PXDC1: variants seen among roughly 807,000 people sequenced by gnomAD.
PXDC1 encodes PX domain-containing protein 1.
In PXDC1, 13 loss-of-function variants were observed where a neutral mutation model predicts 24.4. That is an observed-to-expected ratio of 0.53 (90% confidence interval 0.35 to 0.85). The LOEUF is 0.85. PXDC1 is among the 40% of genes least tolerant of loss of function. The pLI is 0.01. For synonymous variants in PXDC1, 162 were observed against 124.9 expected (o/e 1.30, Z -1.98); for missense variants, 344 against 309.3 (o/e 1.11, Z -0.84).
chr6:3,737,877 T>C lies in PXDC1; in HGVS notation c.348+180A>G, dbSNP rs975278565. 4.6e-5 allele frequency: 11 copies of C among 241,720 alleles called. No individual in the cohort carries two copies. Among genetic ancestry groups the C allele is most frequent in the South Asian group, 3.0e-4 (2 of 6,598 alleles). The allele number at this position is 241,720 out of a possible 1,614,324, so 15.0% of individuals were successfully genotyped here. A position where few individuals can be genotyped will look rare whatever the true frequency, so the allele number is the denominator to read the frequency against. ...GAGCCCATGAAAGCCTTCTTTCTCC[T>C]GATTACACCTGCACACCTCCACTCC... On this transcript the variant is annotated intron_variant, in intron 2 of 4. Coordinates refer to ENST00000380283, the MANE Select transcript of PXDC1 (RefSeq NM_183373.4). The surrounding 1 kb of genome is among the most constrained non-coding windows in gnomAD (Gnocchi z 5.5).
intron 3 of PXDC1, among the ~76,000 whole-genome samples, chr6:3,733,035 G>A (rs1358071290): frequency 2.0e-5 from 3 of 152,238 alleles, no homozygotes; most frequent in Non-Finnish European, 4.4e-5. Flanking sequence ...GCTCTGGAGT[G>A]GAGGTGACAA....
intron 1 of PXDC1, among the ~76,000 whole-genome samples, chr6:3,749,102 G>C (rs1352895169): frequency 6.6e-6 from 1 of 152,110 alleles, no homozygotes; most frequent in Admixed American, 6.5e-5. Context: ...AGGTGGTGCT[G>C]GGCAGGGACC....
chr6:3,726,333 G>A (rs1760065622), intron 4 of PXDC1, among the ~76,000 whole-genome samples: 1 of 152,248 alleles, frequency 6.6e-6, no homozygotes, highest in South Asian at 2.1e-4. Flanking sequence ...CATAGGTAAT[G>A]AGTGAATGAG....
intron 1 of PXDC1, among the ~76,000 whole-genome samples, chr6:3,738,496 C>T (rs1185441159): frequency 6.6e-6 from 1 of 152,222 alleles, no homozygotes. Flanking sequence ...CAGGCCCCAC[C>T]AGCGTGGTGG....
At chr6:3,745,028 A>G (rs1300783905) in intron 1 of PXDC1, among the ~76,000 whole-genome samples, 1 of 152,228 alleles carries the variant, frequency 6.6e-6, no homozygotes, top group Non-Finnish European at 1.5e-5. Flanking sequence ...CCTAGATCTT[A>G]GGATCTTTCT....
rs942739921 is a variant in PXDC1 at position 3,724,774 on chromosome 6, C to T, written c.579-1038G>A. Among the ~76,000 whole-genome samples, 32 of 152,394 alleles carry T rather than the reference C, an allele frequency of 2.1e-4. 1 individual carries two copies. The highest frequency in any genetic ancestry group is 3.4e-3 in the Middle Eastern group (1 of 294). ...CAAGATGACTGCACAGTCCAGGCCC[C>T]TGGCCGGACACACAACAAGGCAGGG... is the stretch of plus-strand genomic sequence containing the variant. On this transcript the variant is annotated intron_variant, in intron 4 of 4. Coordinates refer to ENST00000380283, the MANE Select transcript of PXDC1 (RefSeq NM_183373.4). This position sits in a 1 kb window ranked among gnomAD's most constrained non-coding sequence, Gnocchi z 4.5.
At chr6:3,732,650 T>C (rs1182463939) in intron 3 of PXDC1, among the ~76,000 whole-genome samples, 1 of 152,248 alleles carries the variant, frequency 6.6e-6, no homozygotes, top group African/African-American at 2.4e-5. Flanking sequence ...TGCCAAGGGA[T>C]GCAGTCCATC....
At position 3,725,538 on chromosome 6, in the gene PXDC1, C is replaced by T. The variant is rs928620370; in HGVS notation, c.579-1802G>A. Among the ~76,000 whole-genome samples the T allele has an allele frequency of 8.5e-5, 13 of 152,210 alleles. No homozygotes were observed. Among genetic ancestry groups the T allele is most frequent in the African/African-American group, 3.1e-4 (13 of 41,456 alleles). On this transcript the variant is annotated intron_variant, in intron 4 of 4. Coordinates refer to ENST00000380283, the MANE Select transcript of PXDC1 (RefSeq NM_183373.4). This position sits in a 1 kb window ranked among gnomAD's most constrained non-coding sequence, Gnocchi z 4.8. ...GCCCCTGGGGCCAGACTCGGGGCAG[C>T]CTGCTGAGACTCTGCTGTGGGGGCC...
chr6:3,739,285 G>A, intron 1 of PXDC1: 1 of 322,436 alleles, frequency 3.1e-6, no homozygotes, highest in Non-Finnish European at 4.7e-6. Context: ...ACTTCTGCAA[G>A]AGTGGGCTAC....
rs1420553277 is a variant in PXDC1, at chr6:3,751,294, G to A, written c.238C>T (p.Gln80Ter). ...CCCGCACCTTGCCGCAGCGGCCCCT[G>A]CGCCAGTTCGGACCGGTCCTCGGGA... is the stretch of plus-strand genomic sequence containing the variant. The part of the protein sequence containing the change: ...AFPEDRSELA[Q>*]GPLRQGLVAI... The change falls in exon 1 of 5, where the codon CAG becomes TAG. Residue 80 changes from glutamine to a stop codon, truncating the protein, a stop_gained. Coordinates refer to ENST00000380283, the MANE Select transcript of PXDC1 (RefSeq NM_183373.4). LOFTEE classifies it high-confidence loss of function. The A allele has an allele frequency of 5.2e-6, 8 of 1,530,142 alleles. No individual in the cohort carries two copies. Among genetic ancestry groups the A allele is most frequent in the South Asian group, 1.2e-5 (1 of 82,986 alleles). The allele number at this position is 1,530,142 out of a possible 1,614,324, so 94.8% of individuals were successfully genotyped here. A position where few individuals can be genotyped will look rare whatever the true frequency, so the allele number is the denominator to read the frequency against.
rs1581239631 is a variant in PXDC1, at chr6:3,725,640, C to T, written c.579-1904G>A. Among the ~76,000 whole-genome samples, 3 of 152,338 alleles carry T rather than the reference C, an allele frequency of 2.0e-5. No individual in the cohort carries two copies. The highest frequency in any genetic ancestry group is 3.9e-4 in the East Asian group (2 of 5,174). ...CCTCGGGTGCCAGGGAGGACAGCCACGCAGGGAGGTGAAGCCTCCAGTTCC... is the reference window on the plus strand; with the variant it reads ...CCTCGGGTGCCAGGGAGGACAGCCATGCAGGGAGGTGAAGCCTCCAGTTCC... On this transcript the variant is annotated intron_variant, in intron 4 of 4. Transcript: ENST00000380283. This position sits in a 1 kb window ranked among gnomAD's most constrained non-coding sequence, Gnocchi z 4.8.
chr6:3,746,226 TCA>T (rs886645335), intron 1 of PXDC1, among the ~76,000 whole-genome samples: 9 of 152,066 alleles, frequency 5.9e-5, no homozygotes. Flanking sequence ...GCCCAGGGGC[TCA>T]GTCTGAGATC....
intron 3 of PXDC1, among the ~76,000 whole-genome samples, chr6:3,735,518 A>G (rs942411463): frequency 6.6e-6 from 1 of 152,236 alleles, no homozygotes; most frequent in African/African-American, 2.4e-5. Flanking sequence ...ACAGAAAGAC[A>G]AATGTCACAA....
At chr6:3,727,460 C>A in intron 4 of PXDC1, 91 bp downstream of exon 4, 1 of 865,234 alleles carries the variant, frequency 1.2e-6, no homozygotes, top group South Asian at 1.7e-5. Flanking sequence ...TCTGGGCACC[C>A]ACTTCCTTCC....
intron 4 of PXDC1, among the ~76,000 whole-genome samples, chr6:3,727,309 A>C (rs1361343230): frequency 6.6e-6 from 1 of 152,200 alleles, no homozygotes. Flanking sequence ...CCAGGCCCCT[A>C]GCCCTGCAAC....
intron 3 of PXDC1, among the ~76,000 whole-genome samples, chr6:3,730,315 T>C (rs1162394307): frequency 2.0e-5 from 3 of 152,172 alleles, no homozygotes; most frequent in Admixed American, 2.0e-4. Flanking sequence ...GAACATTTAT[T>C]CCCAACACGG....
In PXDC1 at chr6:3,728,429, A is replaced by C. The variant is rs911620353; in HGVS notation, c.467-767T>G. On this transcript the variant is annotated intron_variant, in intron 3 of 4. Coordinates refer to ENST00000380283, the MANE Select transcript of PXDC1 (RefSeq NM_183373.4). This position sits in a 1 kb window ranked among gnomAD's most constrained non-coding sequence, Gnocchi z 4.0. Reference sequence around the variant, plus strand: ...CATTTTAAACCAAAGGGTGACTTTCACTGTTTCGCTTTATGTAATTCTGTA... The same window carrying C: ...CATTTTAAACCAAAGGGTGACTTTCCCTGTTTCGCTTTATGTAATTCTGTA... Among the ~76,000 whole-genome samples, 2 of 152,188 alleles carry C rather than the reference A, an allele frequency of 1.3e-5. No homozygotes were observed. Among genetic ancestry groups the C allele is most frequent in the African/African-American group, 4.8e-5 (2 of 41,428 alleles).
chr6:3,729,055 GC>G (rs766768284), intron 3 of PXDC1, among the ~76,000 whole-genome samples: 1 of 152,054 alleles, frequency 6.6e-6, no homozygotes, highest in Non-Finnish European at 1.5e-5. Flanking sequence ...GCTCCTAACA[GC>G]CCTCCCTCTC....
chr6:3,735,460 C>A (rs1760293408), intron 3 of PXDC1, among the ~76,000 whole-genome samples: 1 of 152,210 alleles, frequency 6.6e-6, no homozygotes, highest in African/African-American at 2.4e-5. Flanking sequence ...TCATTTGTGG[C>A]AACATGAATG....
Sources: gnomAD v4.1 joint callset for allele counts (sites outside exome capture counted in the v4.1 genomes callset) on GRCh38, gnomAD v4.1.1 for gene constraint, Gnocchi (gnomAD v3.1) non-coding constraint, MANE v1.5 for transcripts, NCBI Gene and HGNC (gene_info 2026-07-23, HGNC 2026-07-21) for gene names.